DNHD1: variants seen among roughly 807,000 people sequenced by gnomAD.
DNHD1 encodes the protein dynein heavy chain domain-containing protein 1.
DNHD1 carries 383 observed loss-of-function variants against 458.1 expected under a neutral mutation model. The observed-to-expected ratio is 0.84, with a 90% CI of 0.77 to 0.91. The LOEUF is 0.91. Ranked by LOEUF, DNHD1 falls within the 40% of genes least tolerant of loss-of-function variation. DNHD1 has a pLI of 0.00. For missense variants in DNHD1, 5,336 were observed against 5,866.1 expected, an observed-to-expected ratio of 0.91 and a Z score of 2.95; for synonymous variants, 2,203 against 2,376.9, an observed-to-expected ratio of 0.93 and a Z score of 2.13.
rs549648709 is a variant in DNHD1 at position 6,547,228 on chromosome 11, T to C, written c.6289T>C (p.Ser2097Pro). The change falls in exon 21 of 43, where the codon TCC becomes CCC. Residue 2097 changes from serine to proline, a missense_variant. Ser to Pro is a moderately conservative substitution (Grantham distance 74, BLOSUM62 -1). Coordinates refer to ENST00000254579, the MANE Select transcript of DNHD1 (RefSeq NM_144666.3). ...DGASNGAWLD[S>P]ITCLLSELPQ... ...AGCCTCCAATGGTGCTTGGCTGGAC[T>C]CCATCACTTGCCTCCTGAGTGAGCT... is the stretch of plus-strand genomic sequence containing the variant. The C allele has an allele frequency of 6.4e-7, 1 of 1,551,774 alleles. No individual in the cohort carries two copies. Among genetic ancestry groups the C allele is most frequent in the South Asian group, 1.2e-5 (1 of 84,066 alleles).
chr11:6,533,244 A>C (rs1374236858), intron 13 of DNHD1, 60 bp downstream of exon 13: 7 of 1,503,682 alleles, frequency 4.7e-6, no homozygotes, highest in Non-Finnish European at 6.3e-6. Flanking sequence ...TCAAAAGCTC[A>C]GCACACTCTC....
At chr11:6,544,097 C>T (rs1420443479) in intron 18 of DNHD1, 24 bp from the exon 19 acceptor site, 7 of 1,550,788 alleles carry the variant, frequency 4.5e-6, no homozygotes, top group Non-Finnish European at 5.2e-6. Flanking sequence ...CATCTGACTG[C>T]CAGTTCAGCT....
chr11:6,554,030 C>G lies in DNHD1; in HGVS notation c.7388-2653C>G, dbSNP rs576367867. Among the ~76,000 whole-genome samples the G allele has an allele frequency of 3.3e-5, 5 of 152,152 alleles. No individual in the cohort carries two copies. In the East Asian group the frequency reaches 9.6e-4, roughly 29 times the overall value. ...AGCAATGCAAAAGATCTAGAGCAGC[C>G]AAGCAACTTTGAAAAAGAACAAAGT... On this transcript the variant is annotated intron_variant, in intron 24 of 42. Transcript: ENST00000254579.
intron 34 of DNHD1, 36 bp from the exon 35 acceptor site, chr11:6,566,551 G>T: frequency 6.2e-7 from 1 of 1,609,232 alleles, no homozygotes; most frequent in Admixed American, 1.7e-5. Flanking sequence ...GCTCTGCCAA[G>T]GGGAAGAGGT....
chr11:6,528,217 T>A (rs1852750551), intron 10 of DNHD1, among the ~76,000 whole-genome samples: 1 of 152,244 alleles, frequency 6.6e-6, no homozygotes, highest in South Asian at 2.1e-4. Flanking sequence ...AGTGGTTTTG[T>A]ATTTTAGCTC....
At position 6,566,716 on chromosome 11, in the gene DNHD1, A is replaced by G. The variant is rs746971692; in HGVS notation, c.11336A>G (p.Asp3779Gly). The part of the protein sequence containing the change: ...EYPELETRWQ[D>G]LKIRALDTCK... ...CCTGAACTCGAGACCCGCTGGCAGG[A>G]CCTAAAGATCAGAGCCCTAGATACC... The change falls in exon 35 of 43, where the codon GAC becomes GGC. Residue 3779 changes from aspartate to glycine, a missense_variant. Physicochemically the swap from Asp to Gly is moderately conservative, Grantham distance 94. Coordinates refer to ENST00000254579, the MANE Select transcript of DNHD1 (RefSeq NM_144666.3). The G allele has an allele frequency of 5.6e-6, 9 of 1,611,992 alleles. No individual in the cohort carries two copies.
chr11:6,570,579 A>C (rs370490240), intron 41 of DNHD1, 39 bp from the exon 42 acceptor site: 1 of 1,540,758 alleles, frequency 6.5e-7, no homozygotes, highest in African/African-American at 1.4e-5. Context: ...GGGTGGGGAG[A>C]GTCCATCTTG....
chr11:6,520,642 TAC>T, intron 10 of DNHD1: 1 of 1,114,644 alleles, frequency 9.0e-7, no homozygotes, highest in Non-Finnish European at 1.1e-6. Flanking sequence ...AGTAAATTTG[TAC>T]TTGTTTGAAG....
At chr11:6,551,675 G>A (rs147004542) in intron 24 of DNHD1, among the ~76,000 whole-genome samples, 44 of 152,314 alleles carry the variant, frequency 2.9e-4, no homozygotes, top group Admixed American at 7.8e-4. Flanking sequence ...GGGCACTGTG[G>A]CTCACGCCTG....
In DNHD1 at chr11:6,567,234, C is replaced by T; in HGVS notation, c.11725C>T (p.Gln3909Ter). ...GGAGGACCTGGCCAGCCATCTACTG[C>T]AATTGAGAGCACACCTGACCCGCCA... ...HGEDLASHLL[Q>*]LRAHLTRQLL... The change falls in exon 36 of 43, where the codon CAA becomes TAA. Residue 3909 changes from glutamine to a stop codon, truncating the protein, a stop_gained. Coordinates refer to ENST00000254579, the MANE Select transcript of DNHD1 (RefSeq NM_144666.3). LOFTEE classifies it high-confidence loss of function. 4 of 1,614,016 alleles carry T rather than the reference C, an allele frequency of 2.5e-6. No individual in the cohort carries two copies. Among genetic ancestry groups the T allele is most frequent in the Non-Finnish European group, 3.4e-6 (4 of 1,179,912 alleles).
chr11:6,528,714 A>G lies in DNHD1; in HGVS notation c.2030A>G (p.Lys677Arg). The change falls in exon 11 of 43, where the codon AAG (lysine) becomes AGG (arginine). Residue 677 changes from lysine to arginine, a missense_variant. Lys to Arg is a conservative substitution (Grantham distance 26, BLOSUM62 2). Around this residue, in one of 4 missense-constraint regions of DNHD1, gnomAD observed 3,932 missense variants for 4,365.6 expected, o/e 0.90. Transcript: ENST00000254579. ...GGCCAATACTTCCCCCACAATTATA[A>G]GCAGCTGGAGGAAGACCTGGACAAC... The part of the protein sequence containing the change: ...LRGQYFPHNY[K>R]QLEEDLDNNP... 1 of 1,551,776 alleles carries G rather than the reference A, an allele frequency of 6.4e-7. No homozygotes were observed. Among genetic ancestry groups the G allele is most frequent in the Non-Finnish European group, 8.7e-7 (1 of 1,147,008 alleles).
rs1338984440 is a variant in DNHD1, at chr11:6,567,332, T to A, written c.11823T>A (p.Ala3941=). The change falls in exon 36 of 43, where the codon GCT becomes GCA. Residue 3941 remains alanine, a synonymous_variant. Transcript: ENST00000254579. ...VPLVGALGAL[A]LLQATGKASE... is the part of the protein sequence containing the mutation. ...TGGTGGGTGCATTGGGCGCTTTGGC[T>A]CTGCTGCAAGCAACAGGGAAAGCAT... The A allele has an allele frequency of 1.2e-6, 2 of 1,614,064 alleles. No individual in the cohort carries two copies. The highest frequency in any genetic ancestry group is 1.7e-6 in the Non-Finnish European group (2 of 1,179,894).
intron 29 of DNHD1, 75 bp from the exon 30 acceptor site, chr11:6,563,307 T>G: frequency 6.6e-7 from 1 of 1,512,618 alleles, no homozygotes; most frequent in Non-Finnish European, 9.0e-7. Context: ...AAGGAGATGA[T>G]TCCCCTAAAA....
At chr11:6,544,021 T>C (rs1213930104) in intron 18 of DNHD1, 100 bp from the exon 19 acceptor site, 2 of 1,043,532 alleles carry the variant, frequency 1.9e-6, no homozygotes, top group African/African-American at 1.6e-5. Flanking sequence ...TCAGGGTCTC[T>C]GTAACTGCCT....
rs773115137 is a variant in DNHD1, at chr11:6,529,108, A to G, written c.2334A>G (p.Val778=). The change falls in exon 12 of 43, where the codon GTA becomes GTG. Residue 778 remains valine (V), a synonymous_variant. Coordinates refer to ENST00000254579, the MANE Select transcript of DNHD1 (RefSeq NM_144666.3). The part of the protein sequence containing the change: ...GGLLLLSCHD[V]QAEMESKLNS... Reference sequence around the variant, plus strand: ...TGCTGCTACTTAGCTGCCATGATGTACAGGCAGAGATGGGTGAGTACTGCT... The same window carrying G: ...TGCTGCTACTTAGCTGCCATGATGTGCAGGCAGAGATGGGTGAGTACTGCT... 6.5e-7 allele frequency: 1 copy of G among 1,550,190 alleles called. No individual in the cohort carries two copies. Among genetic ancestry groups the G allele is most frequent in the Non-Finnish European group, 8.7e-7 (1 of 1,146,922 alleles).
intron 24 of DNHD1, among the ~76,000 whole-genome samples, chr11:6,550,578 C>A (rs1432063663): frequency 1.3e-5 from 2 of 152,088 alleles, no homozygotes; most frequent in Non-Finnish European, 1.5e-5. Flanking sequence ...AAGAAGCAAG[C>A]AATAGAATAG....
At chr11:6,543,530 C>T (rs1853142322) in intron 18 of DNHD1, among the ~76,000 whole-genome samples, 1 of 152,148 alleles carries the variant, frequency 6.6e-6, no homozygotes, top group South Asian at 2.1e-4. Context: ...CGTGGATACT[C>T]ATAGCAGCTA....
chr11:6,538,045 G>A (rs1399470257), intron 14 of DNHD1, among the ~76,000 whole-genome samples: 1 of 152,226 alleles, frequency 6.6e-6, no homozygotes, highest in Admixed American at 6.5e-5. Flanking sequence ...CTAGTCAAAG[G>A]CCCTTAGCAG....
chr11:6,570,518 T>TG (rs1013324569), intron 41 of DNHD1, 100 bp from the exon 42 acceptor site: 91 of 1,481,576 alleles, frequency 6.1e-5, no homozygotes, highest in Non-Finnish European at 8.0e-5. Context: ...CATACTGTTA[T>TG]GGGGGTGATG....
Sources: gnomAD v4.1 joint callset for allele counts (sites outside exome capture counted in the v4.1 genomes callset) on GRCh38, gnomAD v4.1.1 for gene constraint, gnomAD v4.1.1 regional missense constraint, MANE v1.5 for transcripts, NCBI Gene and HGNC (gene_info 2026-07-23, HGNC 2026-07-21) for gene names.